The following SH3GLB1 variants were observed in gnomAD, a reference collection of about 807,000 sequenced individuals.
The protein encoded by SH3GLB1 is SH3 domain containing GRB2 like, endophilin B1.
In SH3GLB1, 17 loss-of-function variants were observed where a neutral mutation model predicts 42.0. That is an observed-to-expected ratio of 0.40 (90% CI 0.28 to 0.61). The LOEUF is 0.61. Ranked by LOEUF, SH3GLB1 falls within the 20% of genes least tolerant of loss-of-function variation. The pLI, the probability that SH3GLB1 is intolerant of heterozygous loss-of-function variation, is 0.36. For synonymous variants in SH3GLB1, 132 were observed against 146.6 expected, an observed-to-expected ratio of 0.90 and a Z score of 0.72; for missense variants, 355 against 426.3, an observed-to-expected ratio of 0.83 and a Z score of 1.47.
At chr1:86,724,874 T>TAAA (rs1165438979) in intron 5 of SH3GLB1, among the ~76,000 whole-genome samples, 28 of 97,912 alleles carry the variant, frequency 2.9e-4, no homozygotes, top group Non-Finnish European at 4.0e-4. Context: ...ACCCTGTCTT[T>TAAA]AAAAAAAAAA....
intron 4 of SH3GLB1, among the ~76,000 whole-genome samples, chr1:86,723,877 A>G (rs920140532): frequency 2.0e-5 from 3 of 152,166 alleles, no homozygotes; most frequent in Non-Finnish European, 2.9e-5. Context: ...CTGGCCACTA[A>G]TGACGTTTTG....
chr1:86,734,969 T>G (rs1381388202), intron 6 of SH3GLB1, 110 bp from the exon 7 acceptor site: 4 of 782,014 alleles, frequency 5.1e-6, no homozygotes, highest in Non-Finnish European at 8.6e-6. Flanking sequence ...TAGTAAAATG[T>G]TAGATACTGG....
At chr1:86,743,048 A>G (rs1656134345) in intron 8 of SH3GLB1, 80 bp from the exon 9 acceptor site, 4 of 1,115,336 alleles carry the variant, frequency 3.6e-6, no homozygotes, top group Non-Finnish European at 5.3e-6. Context: ...AATTTAAACA[A>G]ATTAAATACA....
chr1:86,704,590 A>C lies in SH3GLB1; in HGVS notation c.-310A>C. ...GGCCCGCGCTTGTTTTTCCCTTGGG[A>C]CCCGGGTCCACACGGCGGGGTCGCC... On this transcript the variant is annotated 5_prime_UTR_variant, in exon 1 of 9. Transcript: ENST00000370558. The C allele has an allele frequency of 4.1e-6, 1 of 242,432 alleles. No individual in the cohort carries two copies. 15.0% of individuals were successfully genotyped at this position (242,432 alleles called of 1,614,324 possible).
chr1:86,732,023 C>T (rs1326190423), intron 5 of SH3GLB1, among the ~76,000 whole-genome samples: 2 of 152,098 alleles, frequency 1.3e-5, no homozygotes, highest in Middle Eastern at 3.2e-3. Context: ...CAGGATCAGC[C>T]GTTGCACTCC....
intron 1 of SH3GLB1, among the ~76,000 whole-genome samples, chr1:86,708,375 A>C (rs932578622): frequency 6.6e-6 from 1 of 152,230 alleles, no homozygotes; most frequent in Non-Finnish European, 1.5e-5. Context: ...ATTTTCATTC[A>C]AATCAAATTG....
At chr1:86,720,100 T>G (rs942277943) in intron 3 of SH3GLB1, among the ~76,000 whole-genome samples, 3 of 152,082 alleles carry the variant, frequency 2.0e-5, no homozygotes, top group Non-Finnish European at 2.9e-5. Context: ...TATATACAGT[T>G]AAATGTAATA....
chr1:86,724,433 T>A, intron 5 of SH3GLB1, 28 bp downstream of exon 5: 1 of 1,456,468 alleles, frequency 6.9e-7, no homozygotes, highest in East Asian at 2.4e-5. Flanking sequence ...TATTTTTGAT[T>A]AATAACTTTA....
Position 86,724,362 on chromosome 1 carries a change from A to G in SH3GLB1, c.527A>G (p.Lys176Arg). 2 of 1,604,574 alleles carry G rather than the reference A, an allele frequency of 1.2e-6. No homozygotes were observed. Among genetic ancestry groups the G allele is most frequent in the Non-Finnish European group, 1.7e-6 (2 of 1,177,442 alleles). ...AAGAGACTGGATTTGGATGCTGCAA[A>G]AACGAGACTAAAAAAGGCAAAAGCT... ...QNKRLDLDAA[K>R]TRLKKAKAAE... Residue 176 changes from lysine to arginine, a missense_variant, in exon 5 of 9, where the codon AAA becomes AGA. Lys to Arg is a conservative substitution (Grantham distance 26, BLOSUM62 2). Coordinates refer to ENST00000370558, the MANE Select transcript of SH3GLB1 (RefSeq NM_016009.5).
chr1:86,724,915 A>AAT (rs1162049306), intron 5 of SH3GLB1, among the ~76,000 whole-genome samples: 1 of 127,132 alleles, frequency 7.9e-6, no homozygotes, highest in African/African-American at 3.4e-5. Context: ...ATATATATAA[A>AAT]ATATATAATA....
intron 7 of SH3GLB1, among the ~76,000 whole-genome samples, chr1:86,736,752 A>T (rs1173844601): frequency 1.3e-5 from 2 of 152,242 alleles, no homozygotes; most frequent in Non-Finnish European, 2.9e-5. Flanking sequence ...CTATTCTAGA[A>T]AAGAAAGTCT....
chr1:86,733,507 G>A (rs1018715959), intron 5 of SH3GLB1, among the ~76,000 whole-genome samples: 1 of 152,104 alleles, frequency 6.6e-6, no homozygotes, highest in African/African-American at 2.4e-5. Flanking sequence ...AATGCTATTT[G>A]TGCTGGAGAG....
At chr1:86,730,212 T>C (rs1364384425) in intron 5 of SH3GLB1, 1 of 1,487,150 alleles carries the variant, frequency 6.7e-7, no homozygotes, top group Admixed American at 2.3e-5. Context: ...AGTCACAGTC[T>C]GTGTTAGTAT....
chr1:86,742,516 CATT>C, intron 8 of SH3GLB1, 80 bp downstream of exon 8: 1 of 1,014,554 alleles, frequency 9.9e-7, no homozygotes, highest in South Asian at 1.6e-5. Flanking sequence ...GCAAATTCCT[CATT>C]AGTTATTTGG....
intron 5 of SH3GLB1, among the ~76,000 whole-genome samples, chr1:86,732,899 G>A (rs1247421931): frequency 1.3e-5 from 2 of 151,932 alleles, no homozygotes; most frequent in South Asian, 2.1e-4. Flanking sequence ...AAATTAAACC[G>A]TACTTTGACA....
In SH3GLB1 at chr1:86,736,792, T is replaced by G. The variant is rs181492141; in HGVS notation, c.761+1613T>G. ...TGTCTCTCCACCCTCAATTATATTA[T>G]TGCTAATGACCAATGACATTGGAGG... On this transcript the variant is annotated intron_variant, in intron 7 of 8. Transcript: ENST00000370558. Among the ~76,000 whole-genome samples the G allele has an allele frequency of 3.9e-3, 598 of 152,322 alleles. 3 individuals are homozygous for G. Among genetic ancestry groups the G allele is most frequent in the Non-Finnish European group, 6.2e-3 (423 of 68,012 alleles).
chr1:86,724,892 A>AAAAAAAAATATATATATATAT (rs1291454820), intron 5 of SH3GLB1, among the ~76,000 whole-genome samples: 1 of 99,700 alleles, frequency 1.0e-5, no homozygotes, highest in Admixed American at 1.1e-4. Flanking sequence ...AAAAAAAAAA[A>AAAAAAAAATATATATATATAT]ATATATATAT....
chr1:86,730,642 G>A (rs1376471720), intron 5 of SH3GLB1, among the ~76,000 whole-genome samples: 1 of 152,078 alleles, frequency 6.6e-6, no homozygotes, highest in African/African-American at 2.4e-5. Flanking sequence ...TGGGATTACA[G>A]GTGCCCGCCA....
chr1:86,743,240 G>A lies in SH3GLB1; in HGVS notation c.*5G>A, dbSNP rs200149176. ...TACTTAGAACTGCTCAATTAAGTAGGTGGACTATGGAAAGGTTGCCCATCA... is the reference window on the plus strand; with the variant it reads ...TACTTAGAACTGCTCAATTAAGTAGATGGACTATGGAAAGGTTGCCCATCA... On this transcript the variant is annotated 3_prime_UTR_variant, in exon 9 of 9. Transcript: ENST00000370558. 9.5e-6 allele frequency: 15 copies of A among 1,583,262 alleles called. No homozygotes were observed. The Admixed American group carries it at 2.5e-4, about 26-fold the overall frequency.
Sources: gnomAD v4.1 joint callset for allele counts (sites outside exome capture counted in the v4.1 genomes callset) on GRCh38, gnomAD v4.1.1 for gene constraint, MANE v1.5 for transcripts, NCBI Gene and HGNC (gene_info 2026-07-23, HGNC 2026-07-21) for gene names.